RASD2: variants seen among roughly 807,000 people sequenced by gnomAD.
RASD2 encodes RASD family member 2.
Under a neutral mutation model 15.8 loss-of-function variants are expected in RASD2, and 7 were observed. The observed-to-expected ratio is 0.44, with a 90% confidence interval of 0.25 to 0.83. The LOEUF (loss-of-function observed/expected upper bound fraction) is 0.83, where lower values mean the gene tolerates loss of function less well. RASD2 is among the 40% of genes least tolerant of loss of function. RASD2 has a pLI of 0.20. For synonymous variants in RASD2, 155 were observed against 153.6 expected (o/e 1.01, Z -0.07); for missense variants, 274 against 382.8 (o/e 0.72, Z 2.37).
chr22:35,536,404 C>T (rs1264740748), upstream of RASD2, among the ~76,000 whole-genome samples: 2 of 151,754 alleles, frequency 1.3e-5, no homozygotes, highest in African/African-American at 4.8e-5. Context: ...TGGCTCACTG[C>T]AAGCTCCGCC....
At position 35,552,115 on chromosome 22, in the gene RASD2, G is replaced by T. The variant is rs1411924459; in HGVS notation, c.*83G>T. 3.4e-6 allele frequency: 5 copies of T among 1,479,760 alleles called. No individual in the cohort carries two copies. The highest frequency in any genetic ancestry group is 4.5e-6 in the Non-Finnish European group (5 of 1,106,710). 91.7% of individuals were successfully genotyped at this position (1,479,760 alleles called of 1,614,324 possible). A position where few individuals can be genotyped will look rare whatever the true frequency, so the allele number is the denominator to read the frequency against. On this transcript the variant is annotated 3_prime_UTR_variant, in exon 3 of 3. Coordinates refer to ENST00000216127, the MANE Select transcript of RASD2 (RefSeq NM_014310.4). ...CCACTGTGCGCATCTCCCCACCGAG[G>T]CCCCGGCAGCAGTCTTGTTCACAGA... is the stretch of plus-strand genomic sequence containing the variant.
At chr22:35,533,362 G>T in the RASD2 span, among the ~76,000 whole-genome samples, 1 of 152,240 alleles carries the variant, frequency 6.6e-6, no homozygotes, top group African/African-American at 2.4e-5. Context: ...TTGCCTTTGT[G>T]TCTCCATTTG....
At chr22:35,533,848 T>A in the RASD2 span, among the ~76,000 whole-genome samples, 60,683 of 150,336 alleles carry the variant, frequency 0.4, 12,587 homozygotes, top group Middle Eastern at 0.49. Flanking sequence ...ATGATGGGGA[T>A]GATGATCACA....
the RASD2 span, among the ~76,000 whole-genome samples, chr22:35,534,431 G>C: frequency 6.6e-6 from 1 of 152,200 alleles, no homozygotes; most frequent in African/African-American, 2.4e-5. Flanking sequence ...CTCTAATAAT[G>C]CTTCTCCACG....
chr22:35,541,691 CACCT>C (rs776709873), intron 1 of RASD2, among the ~76,000 whole-genome samples, 191 bp downstream of exon 1: 18 of 152,348 alleles, frequency 1.2e-4, no homozygotes, highest in Non-Finnish European at 5.9e-5. Flanking sequence ...ATTCGTTGAG[CACCT>C]ACTGTATGTG....
In RASD2 at chr22:35,552,153, G is replaced by C. The variant is rs1934688425; in HGVS notation, c.*121G>C. 7.6e-7 allele frequency: 1 copy of C among 1,322,992 alleles called. No homozygotes were observed. The highest frequency in any genetic ancestry group is 1.5e-5 in the African/African-American group (1 of 67,848). 82.0% of individuals were successfully genotyped at this position (1,322,992 alleles called of 1,614,324 possible). ...TCTTGTTCACAGACCTTAGGCACCA[G>C]ACTGGAGGCCCCCGGGCGCTGGCCT... On this transcript the variant is annotated 3_prime_UTR_variant, in exon 3 of 3. Transcript: ENST00000216127.
At position 35,545,814 on chromosome 22, in the gene RASD2, C is replaced by T. The variant is rs373569547; in HGVS notation, c.-9-987C>T. ...GTGACTGGGGTCAGGGGTTCTGGGG[C>T]GGGGATTCTGGTGGGCGCTAAGGTA... On this transcript the variant is annotated intron_variant, in intron 1 of 2. Transcript: ENST00000216127. 3.5e-3 allele frequency among the ~76,000 whole-genome samples: 531 copies of T among 150,450 alleles called. 6 individuals are homozygous for T. The highest frequency in any genetic ancestry group is 0.011 in the African/African-American group (456 of 40,874).
At position 35,552,014 on chromosome 22, in the gene RASD2, C is replaced by A. The variant is rs751467967; in HGVS notation, c.783C>A (p.Asp261Glu). Reference protein sequence around the residue: ...VLREGQARERDKCTIQ With the variant: ...VLREGQAREREKCTIQ ...GGGAAGGCCAGGCCCGTGAGAGGGA[C>A]AAGTGCACCATCCAGTGAGCGAGGG... Residue 261 changes from aspartate to glutamate, a missense_variant, in exon 3 of 3, where the codon GAC (aspartate) becomes GAA (glutamate). By Grantham distance (45) the Asp-to-Glu change is conservative. Transcript: ENST00000216127. The A allele has an allele frequency of 8.8e-6, 14 of 1,597,948 alleles. No homozygotes were observed. Among genetic ancestry groups the A allele is most frequent in the South Asian group, 5.5e-5 (5 of 91,034 alleles).
At chr22:35,540,118 A>G (rs1934303464), upstream of RASD2, among the ~76,000 whole-genome samples, 2 of 152,168 alleles carry the variant, frequency 1.3e-5, no homozygotes, top group Non-Finnish European at 2.9e-5. Flanking sequence ...CTGGGAGGGC[A>G]CCCGGGGACT....
intron 2 of RASD2, among the ~76,000 whole-genome samples, chr22:35,550,896 G>GCCCC (rs1428585087): frequency 6.6e-6 from 1 of 152,182 alleles, no homozygotes; most frequent in Non-Finnish European, 1.5e-5. Flanking sequence ...CCAGTGCTTA[G>GCCCC]CCCCCAGTAG....
At chr22:35,548,148 G>A (rs1006694679) in intron 2 of RASD2, among the ~76,000 whole-genome samples, 2 of 152,212 alleles carry the variant, frequency 1.3e-5, no homozygotes, top group African/African-American at 4.8e-5. Flanking sequence ...CTGAGGGGCT[G>A]TGCCCTTGTT....
chr22:35,538,669 G>A (rs1934280902), upstream of RASD2, among the ~76,000 whole-genome samples: 1 of 152,230 alleles, frequency 6.6e-6, no homozygotes, highest in South Asian at 2.1e-4. Flanking sequence ...ACTGGGATAT[G>A]GTCAGTGGGA....
chr22:35,545,453 T>C (rs573204734), intron 1 of RASD2, among the ~76,000 whole-genome samples: 67 of 152,298 alleles, frequency 4.4e-4, no homozygotes, highest in African/African-American at 1.6e-3. Context: ...CCCTTTCGTC[T>C]GGGATACAGC....
At chr22:35,538,180 C>T (rs1934271686), upstream of RASD2, among the ~76,000 whole-genome samples, 3 of 151,914 alleles carry the variant, frequency 2.0e-5, no homozygotes, top group Admixed American at 2.0e-4. Context: ...CTATGTTGGC[C>T]AGGCTGGTCT....
upstream of RASD2, among the ~76,000 whole-genome samples, chr22:35,536,131 G>C (rs1297939896): frequency 6.6e-6 from 1 of 152,210 alleles, no homozygotes; most frequent in Non-Finnish European, 1.5e-5. Context: ...ACCTGACCCA[G>C]TGCCCCAGTC....
At position 35,551,813 on chromosome 22, in the gene RASD2, C is replaced by T. The variant is rs755043477; in HGVS notation, c.582C>T (p.His194=). The change falls in exon 3 of 3, where the codon CAC becomes CAT. Residue 194 remains histidine, a synonymous_variant. Transcript: ENST00000216127. This position sits in a 1 kb window ranked among gnomAD's most constrained non-coding sequence, Gnocchi z 4.9. ...TCTTCAGCATGGCCAAGCTGCCACA[C>T]GAGATGAGCCCCGCCCTGCATCGCA... ...YVLFSMAKLP[H]EMSPALHRKI... The T allele has an allele frequency of 7.4e-6, 12 of 1,614,170 alleles. No individual in the cohort carries two copies. Among genetic ancestry groups the T allele is most frequent in the East Asian group, 2.2e-5 (1 of 44,874 alleles).
chr22:35,546,325 A>G (rs367937553), intron 1 of RASD2, among the ~76,000 whole-genome samples: 2 of 152,152 alleles, frequency 1.3e-5, no homozygotes, highest in African/African-American at 4.8e-5. Context: ...TGCCTTCCCC[A>G]TGTCTTATCC....
chr22:35,538,723 T>C (rs1195856381), upstream of RASD2, among the ~76,000 whole-genome samples: 1 of 152,128 alleles, frequency 6.6e-6, no homozygotes, highest in Non-Finnish European at 1.5e-5. Flanking sequence ...CAGGGAGCAA[T>C]TGGTTCTTGG....
At chr22:35,543,888 C>T (rs142029236) in intron 1 of RASD2, among the ~76,000 whole-genome samples, 1,528 of 151,146 alleles carry the variant, frequency 0.01, 26 homozygotes, top group Middle Eastern at 0.037. Context: ...GACTCCCTGC[C>T]TCCCCTCTCT....
Sources: gnomAD v4.1 joint callset for allele counts (sites outside exome capture counted in the v4.1 genomes callset) on GRCh38, gnomAD v4.1.1 for gene constraint, Gnocchi (gnomAD v3.1) non-coding constraint, MANE v1.5 for transcripts, NCBI Gene and HGNC (gene_info 2026-07-23, HGNC 2026-07-21) for gene names.